Variants in COL4A1 observed in about 807,000 individuals in gnomAD.
COL4A1 encodes collagen type IV alpha 1 chain, also known as collagen alpha-1(IV) chain.
A neutral mutation model predicts 216.6 loss-of-function variants in COL4A1; 40 were observed. The observed-to-expected ratio is 0.18, with a 90% CI of 0.14 to 0.24. The LOEUF is 0.24. Among genes scored for constraint, COL4A1 ranks in the 10% least tolerant of loss-of-function variants. The pLI is 1.00. For synonymous variants in COL4A1, 839 were observed against 810.7 expected, an observed-to-expected ratio of 1.03 and a Z score of -0.59; for missense variants, 1,628 against 2,196.8, an observed-to-expected ratio of 0.74 and a Z score of 5.18.
intron 25 of COL4A1, among the ~76,000 whole-genome samples, chr13:110,186,839 T>C (rs1878427208): frequency 6.6e-6 from 1 of 152,170 alleles, no homozygotes; most frequent in Admixed American, 6.5e-5. Flanking sequence ...ATGAATACTA[T>C]TAACTTTAGA....
intron 2 of COL4A1, among the ~76,000 whole-genome samples, chr13:110,215,180 A>G (rs1434394139): frequency 6.6e-6 from 1 of 152,180 alleles, no homozygotes; most frequent in African/African-American, 2.4e-5. Flanking sequence ...CAGAGTCCAC[A>G]GTGTGCACCT....
chr13:110,150,874 G>C (rs893041092), intron 51 of COL4A1, among the ~76,000 whole-genome samples: 2 of 152,158 alleles, frequency 1.3e-5, no homozygotes, highest in African/African-American at 4.8e-5. Flanking sequence ...TACACACACA[G>C]TAAGTATTCA....
Position 110,195,111 on chromosome 13 carries a change from A to G in COL4A1, c.1293T>C (p.Ile431=). The change falls in exon 22 of 52, where the codon ATT becomes ATC. Residue 431 remains isoleucine, a synonymous_variant. Coordinates refer to ENST00000375820, the MANE Select transcript of COL4A1 (RefSeq NM_001845.6). The stretch of plus-strand genomic sequence containing the variant: ...CTGGAGGTCCGGGCTGACATTCCAC[A>G]ATTCCATCTGAAATTGAGTTGTCAG... The part of the protein sequence containing the change: ...PPGQPGYTNG[I]VECQPGPPGD... The G allele has an allele frequency of 6.2e-7, 1 of 1,613,936 alleles. No homozygotes were observed. Among genetic ancestry groups the G allele is most frequent in the African/African-American group, 1.3e-5 (1 of 75,026 alleles).
intron 49 of COL4A1, among the ~76,000 whole-genome samples, chr13:110,158,886 G>A (rs1876930297): frequency 6.6e-6 from 1 of 151,984 alleles, no homozygotes; most frequent in Non-Finnish European, 1.5e-5. Flanking sequence ...GGGATTACAG[G>A]CATGTAACAC....
Position 110,186,445 on chromosome 13 carries a change from G to T in COL4A1, c.1837C>A (p.Pro613Thr). Reference sequence around the variant, plus strand: ...CCTGCTTGTCCTTTGTCACCAATGGGACCAGCAGGACCATATCCTGGAGGC... The same window carrying T: ...CCTGCTTGTCCTTTGTCACCAATGGTACCAGCAGGACCATATCCTGGAGGC... ...PGPPGYGPAGPIGDKGQAGFP... is the reference protein window; with the variant it reads ...PGPPGYGPAGTIGDKGQAGFP... Residue 613 changes from proline to threonine, a missense_variant, in exon 26 of 52, where the codon CCC becomes ACC. Around this residue, in one of 8 missense-constraint regions of COL4A1, gnomAD observed 701 missense variants for 892.5 expected, o/e 0.79. Transcript: ENST00000375820. 1 of 1,613,726 alleles carries T rather than the reference G, an allele frequency of 6.2e-7. No homozygotes were observed. The highest frequency in any genetic ancestry group is 1.1e-5 in the South Asian group (1 of 91,066).
Position 110,174,666 on chromosome 13 carries a change from C to A in COL4A1, c.3282G>T (p.Gly1094=), listed in dbSNP as rs972001132. 6 of 1,613,932 alleles carry A rather than the reference C, an allele frequency of 3.7e-6. No individual in the cohort carries two copies. Among genetic ancestry groups the A allele is most frequent in the Non-Finnish European group, 4.2e-6 (5 of 1,179,950 alleles). Reference sequence around the variant, plus strand: ...CGGGAGACCCTTTAAGGCCTGGGGACCCTGGCATTCCTGGGATCCCAATGC... The same window carrying A: ...CGGGAGACCCTTTAAGGCCTGGGGAACCTGGCATTCCTGGGATCCCAATGC... ...KGSIGIPGMP[G]SPGLKGSPGS... is the part of the protein sequence containing the mutation. Residue 1094 remains glycine, a synonymous_variant, in exon 38 of 52, where the codon GGG becomes GGT. Transcript: ENST00000375820.
At chr13:110,252,225 T>C (rs1264251830) in intron 1 of COL4A1, among the ~76,000 whole-genome samples, 3 of 151,818 alleles carry the variant, frequency 2.0e-5, no homozygotes, top group African/African-American at 4.8e-5. Flanking sequence ...GGTTTCACCA[T>C]GTTGGCCAGG....
chr13:110,166,639 T>C (rs1877353142), intron 44 of COL4A1, among the ~76,000 whole-genome samples: 1 of 152,196 alleles, frequency 6.6e-6, no homozygotes. Context: ...AACTCTTTTT[T>C]CTAGAACCCA....
intron 20 of COL4A1, among the ~76,000 whole-genome samples, chr13:110,200,629 A>G (rs1879146349): frequency 6.6e-6 from 1 of 152,192 alleles, no homozygotes; most frequent in South Asian, 2.1e-4. Flanking sequence ...CAGGAGAGAC[A>G]TAAGGGTGTA....
chr13:110,222,341 G>A (rs376391100), intron 2 of COL4A1, among the ~76,000 whole-genome samples: 1 of 152,174 alleles, frequency 6.6e-6, no homozygotes, highest in Non-Finnish European at 1.5e-5. Flanking sequence ...GACAGGCCCG[G>A]GCGGAGGAAC....
intron 1 of COL4A1, among the ~76,000 whole-genome samples, chr13:110,263,943 C>G (rs1882925666): frequency 6.6e-6 from 1 of 152,086 alleles, no homozygotes; most frequent in African/African-American, 2.4e-5. Context: ...AAAAAGTAGG[C>G]CAGCATTTTT....
At position 110,150,357 on chromosome 13, in the gene COL4A1, G is replaced by A. The variant is rs762512053; in HGVS notation, c.*6C>T. 2 of 1,613,338 alleles carry A rather than the reference G, an allele frequency of 1.2e-6. No homozygotes were observed. Among genetic ancestry groups the A allele is most frequent in the Non-Finnish European group, 1.7e-6 (2 of 1,179,582 alleles). The stretch of plus-strand genomic sequence containing the variant: ...CATGTTGTGACATTAGCTGAGTCAG[G>A]CTTCATTATGTTCTTCTCATACAGA... On this transcript the variant is annotated 3_prime_UTR_variant, in exon 52 of 52. Coordinates refer to ENST00000375820, the MANE Select transcript of COL4A1 (RefSeq NM_001845.6).
At chr13:110,160,125 CA>C (rs1033519936) in intron 49 of COL4A1, among the ~76,000 whole-genome samples, 5 of 152,086 alleles carry the variant, frequency 3.3e-5, no homozygotes, top group African/African-American at 9.7e-5. Flanking sequence ...TCCATTTTAC[CA>C]AAATTAAAAA....
chr13:110,169,803 T>C (rs1292220971), intron 42 of COL4A1, 41 bp from the exon 43 acceptor site: 3 of 1,612,828 alleles, frequency 1.9e-6, no homozygotes, highest in Non-Finnish European at 2.5e-6. Flanking sequence ...GGGTTAAATA[T>C]GCACAAGTGT....
chr13:110,272,587 G>A (rs1289325030), intron 1 of COL4A1, among the ~76,000 whole-genome samples: 3 of 152,068 alleles, frequency 2.0e-5, no homozygotes, highest in Non-Finnish European at 4.4e-5. Context: ...AAAAGGGGGG[G>A]AACTCTTCTC....
At chr13:110,230,372 G>A (rs1690807345) in intron 2 of COL4A1, among the ~76,000 whole-genome samples, 1 of 152,094 alleles carries the variant, frequency 6.6e-6, no homozygotes, top group African/African-American at 2.4e-5. Flanking sequence ...AGAGGACAAA[G>A]CACACAGGTG....
chr13:110,227,431 CACACAA>C (rs1880791171), intron 2 of COL4A1, among the ~76,000 whole-genome samples: 1 of 148,596 alleles, frequency 6.7e-6, no homozygotes, highest in South Asian at 2.1e-4. Flanking sequence ...CACACAAACA[CACACAA>C]ACACAGAATC....
intron 24 of COL4A1, among the ~76,000 whole-genome samples, chr13:110,189,345 G>A (rs1288170528): frequency 6.6e-6 from 1 of 152,222 alleles, no homozygotes; most frequent in African/African-American, 2.4e-5. Context: ...TTTCAGGCGT[G>A]AGCCACCGTA....
chr13:110,277,160 T>C (rs1369347804), intron 1 of COL4A1, among the ~76,000 whole-genome samples: 1 of 152,206 alleles, frequency 6.6e-6, no homozygotes, highest in Non-Finnish European at 1.5e-5. Flanking sequence ...ATATAATTTA[T>C]CAATACGGTC....
Sources: allele counts gnomAD v4.1 joint callset (sites outside exome capture counted in the v4.1 genomes callset), GRCh38; gene constraint gnomAD v4.1.1; regional missense constraint gnomAD v4.1.1; transcripts MANE v1.5; gene names NCBI Gene and HGNC (gene_info 2026-07-23, HGNC 2026-07-21).